Variants in OSBPL8 observed in about 807,000 individuals in gnomAD.
The protein encoded by OSBPL8 is oxysterol binding protein like 8, also known as oxysterol-binding protein-related protein 8.
A neutral mutation model predicts 125.5 loss-of-function variants in OSBPL8; 59 were observed. That is an observed-to-expected ratio of 0.47 (90% CI 0.38 to 0.58). The LOEUF (loss-of-function observed/expected upper bound fraction) is 0.58. Ranked by LOEUF, OSBPL8 falls within the 20% of genes least tolerant of loss-of-function variation. The pLI is 0.00. For missense variants in OSBPL8, 758 were observed against 1,047.8 expected (o/e 0.72, Z 3.82); for synonymous variants, 330 against 338.9 (o/e 0.97, Z 0.29).
At chr12:76,378,914 C>T (rs1007917835) in intron 15 of OSBPL8, among the ~76,000 whole-genome samples, 7 of 152,076 alleles carry the variant, frequency 4.6e-5, no homozygotes, top group African/African-American at 1.7e-4. Context: ...GGATTACAGG[C>T]GTGCACCACC....
chr12:76,462,972 G>C (rs1249874721), intron 2 of OSBPL8, among the ~76,000 whole-genome samples: 1 of 152,180 alleles, frequency 6.6e-6, no homozygotes, highest in Non-Finnish European at 1.5e-5. Context: ...AGGTTGTATA[G>C]GACTTTGTAG....
At chr12:76,455,550 G>A (rs1191171833) in intron 3 of OSBPL8, among the ~76,000 whole-genome samples, 7 of 152,274 alleles carry the variant, frequency 4.6e-5, no homozygotes, top group African/African-American at 1.7e-4. Flanking sequence ...TTCGATGGAA[G>A]TATTACTACA....
intron 1 of OSBPL8, among the ~76,000 whole-genome samples, chr12:76,547,798 C>T (rs536584718): frequency 6.6e-6 from 1 of 152,312 alleles, no homozygotes; most frequent in African/African-American, 2.4e-5. Context: ...TAAACAGTTT[C>T]ATTCAGTTTC....
intron 4 of OSBPL8, among the ~76,000 whole-genome samples, chr12:76,437,271 CAT>C (rs1275661347): frequency 5.9e-5 from 9 of 152,150 alleles, no homozygotes; most frequent in Admixed American, 6.5e-5. Flanking sequence ...AATGGGAATT[CAT>C]ATGGTTTCAT....
intron 1 of OSBPL8, among the ~76,000 whole-genome samples, chr12:76,508,656 C>A (rs899510421): frequency 6.6e-6 from 1 of 152,100 alleles, no homozygotes; most frequent in Non-Finnish European, 1.5e-5. Flanking sequence ...CCATCAAAAC[C>A]GAGATGGCAA....
At chr12:76,390,090 C>T (rs1953495076) in intron 11 of OSBPL8, 5 of 406,946 alleles carry the variant, frequency 1.2e-5, no homozygotes, top group Admixed American at 4.0e-5. Context: ...ACTACATTTA[C>T]TTCTATGATG....
chr12:76,518,776 T>C (rs967008484), intron 1 of OSBPL8, among the ~76,000 whole-genome samples: 3 of 152,188 alleles, frequency 2.0e-5, no homozygotes, highest in African/African-American at 7.2e-5. Flanking sequence ...CTGGGCCCCT[T>C]TGAGCCGAGG....
At chr12:76,467,416 T>A (rs1486020486) in intron 2 of OSBPL8, among the ~76,000 whole-genome samples, 1 of 152,226 alleles carries the variant, frequency 6.6e-6, no homozygotes, top group Non-Finnish European at 1.5e-5. Flanking sequence ...ACCTATATGT[T>A]TGGACATTAT....
chr12:76,462,354 C>T (rs985908605), intron 2 of OSBPL8, among the ~76,000 whole-genome samples: 1 of 152,166 alleles, frequency 6.6e-6, no homozygotes, highest in South Asian at 2.1e-4. Context: ...TGGTTAGTCT[C>T]GACATTATCC....
chr12:76,468,886 A>T (rs1875779365), intron 2 of OSBPL8, among the ~76,000 whole-genome samples: 1 of 152,206 alleles, frequency 6.6e-6, no homozygotes, highest in African/African-American at 2.4e-5. Flanking sequence ...GTAGCTATTG[A>T]AATCTTGAAA....
chr12:76,472,984 A>G (rs1458948813), intron 2 of OSBPL8, among the ~76,000 whole-genome samples: 1 of 151,942 alleles, frequency 6.6e-6, no homozygotes, highest in East Asian at 1.9e-4. Flanking sequence ...TTTTTCCTTG[A>G]CACTGACGCT....
chr12:76,364,441 G>A (rs1952329116), intron 21 of OSBPL8, among the ~76,000 whole-genome samples: 1 of 152,142 alleles, frequency 6.6e-6, no homozygotes, highest in South Asian at 2.1e-4. Flanking sequence ...ATAAGTGGGA[G>A]CTGAACAATG....
chr12:76,390,625 A>G lies in OSBPL8; in HGVS notation c.962T>C (p.Phe321Ser), dbSNP rs767666932. ...LNDSEIERQH[F>S]KDQDMYSDKS... ...ATCAGAATACATATCTTGGTCCTTA[A>G]AATGTTGTCGTTCAATTTCACTATC... The change falls in exon 11 of 24, where the codon TTT becomes TCT. Residue 321 changes from phenylalanine (F) to serine (S), a missense_variant. Around this residue, in one of 3 missense-constraint regions of OSBPL8, gnomAD observed 572 missense variants for 762.0 expected, o/e 0.75. Coordinates refer to ENST00000261183, the MANE Select transcript of OSBPL8 (RefSeq NM_020841.5). The G allele has an allele frequency of 6.2e-7, 1 of 1,613,156 alleles. No homozygotes were observed. Among genetic ancestry groups the G allele is most frequent in the South Asian group, 1.1e-5 (1 of 90,998 alleles).
chr12:76,459,716 T>C, intron 3 of OSBPL8, 143 bp downstream of exon 3: 1 of 919,804 alleles, frequency 1.1e-6, no homozygotes, highest in Non-Finnish European at 1.7e-6. Flanking sequence ...CCATTTATAT[T>C]CTTTACTTTA....
At chr12:76,381,820 T>A (rs1474264470) in intron 15 of OSBPL8, among the ~76,000 whole-genome samples, 1 of 151,950 alleles carries the variant, frequency 6.6e-6, no homozygotes, top group Non-Finnish European at 1.5e-5. Context: ...TTGCAACCTC[T>A]GCCTCCCGGG....
chr12:76,368,846 C>A (rs1166986054), intron 21 of OSBPL8, among the ~76,000 whole-genome samples: 1 of 152,082 alleles, frequency 6.6e-6, no homozygotes, highest in Non-Finnish European at 1.5e-5. Flanking sequence ...TGTATGAGGT[C>A]CACTCTGCTC....
chr12:76,373,706 T>C (rs1304087607), intron 17 of OSBPL8, among the ~76,000 whole-genome samples: 3 of 123,968 alleles, frequency 2.4e-5, no homozygotes, highest in African/African-American at 9.1e-5. Context: ...TGACTCATGT[T>C]CCATGTATGC....
chr12:76,356,788 G>A, intron 22 of OSBPL8, 60 bp from the exon 23 acceptor site: 2 of 1,151,424 alleles, frequency 1.7e-6, no homozygotes, highest in Non-Finnish European at 1.2e-6. Context: ...TCAATTTAAT[G>A]TGTCTCATGT....
At chr12:76,533,370 G>A (rs1042949318) in intron 1 of OSBPL8, among the ~76,000 whole-genome samples, 5 of 152,080 alleles carry the variant, frequency 3.3e-5, no homozygotes, top group African/African-American at 9.7e-5. Context: ...TACTCAAGGT[G>A]CCTTCTCTGG....
Sources: allele counts gnomAD v4.1 joint callset (sites outside exome capture counted in the v4.1 genomes callset), GRCh38; gene constraint gnomAD v4.1.1; regional missense constraint gnomAD v4.1.1; transcripts MANE v1.5; gene names NCBI Gene and HGNC (gene_info 2026-07-23, HGNC 2026-07-21).